Variants in CNKSR2 observed in about 807,000 individuals in gnomAD.
CNKSR2 encodes CNK homolog protein 2.
A neutral mutation model predicts 84.4 loss-of-function variants in CNKSR2; 14 were observed. That is an observed-to-expected ratio of 0.17 (90% CI 0.11 to 0.26). The LOEUF is 0.26. Ranked by LOEUF, CNKSR2 falls within the 10% of genes least tolerant of loss-of-function variation. The pLI is 1.00. For synonymous variants in CNKSR2, 275 were observed against 277.9 expected, an observed-to-expected ratio of 0.99 and a Z score of 0.10; for missense variants, 485 against 771.2, an observed-to-expected ratio of 0.63 and a Z score of 4.40.
intron 1 of CNKSR2, among the ~76,000 whole-genome samples, chrX:21,416,486 A>G (rs2090424539): frequency 9.0e-6 from 1 of 110,831 alleles, no homozygotes; most frequent in Non-Finnish European, 1.9e-5. Flanking sequence ...TCTATTTTTC[A>G]GAATAGTTTG....
At chrX:21,645,813 G>C (rs1006458735) in intron 20 of CNKSR2, 1 of 111,819 alleles carries the variant, frequency 8.9e-6, no homozygotes, top group Admixed American at 9.5e-5. Flanking sequence ...CATATTTTCA[G>C]TTGCAACAGT....
At chrX:21,514,867 C>T (rs993928208) in intron 8 of CNKSR2, among the ~76,000 whole-genome samples, 1 of 110,771 alleles carries the variant, frequency 9.0e-6, no homozygotes, top group Non-Finnish European at 1.9e-5. Context: ...GCAAAATGAA[C>T]CCTTGGATTT....
intron 21 of CNKSR2, among the ~76,000 whole-genome samples, chrX:21,649,474 G>A (rs1355299691): frequency 8.9e-6 from 1 of 112,490 alleles, no homozygotes; most frequent in African/African-American, 3.2e-5. Context: ...CAGTGCATTT[G>A]GGATGAAGCC....
At chrX:21,415,875 T>C (rs1336031767) in intron 1 of CNKSR2, among the ~76,000 whole-genome samples, 6 of 107,232 alleles carry the variant, frequency 5.6e-5, no homozygotes, top group African/African-American at 1.4e-4. Flanking sequence ...CACACACATA[T>C]ATATATATAT....
chrX:21,490,424 A>T (rs778716346), intron 5 of CNKSR2, 35 bp from the exon 6 acceptor site: 9 of 1,174,164 alleles, frequency 7.7e-6, no homozygotes, highest in East Asian at 3.1e-5. Flanking sequence ...TACAACACGT[A>T]TTTACCACAA....
chrX:21,615,771 T>C (rs1370947700), intron 20 of CNKSR2, among the ~76,000 whole-genome samples: 1 of 111,792 alleles, frequency 8.9e-6, no homozygotes, highest in Non-Finnish European at 1.9e-5. Context: ...GCAAACCTCA[T>C]TAAGTAATGT....
intron 1 of CNKSR2, among the ~76,000 whole-genome samples, chrX:21,400,553 T>G (rs7060691): frequency 2.7e-5 from 3 of 110,956 alleles, no homozygotes; most frequent in African/African-American, 6.6e-5. Context: ...TTAATAAAAC[T>G]TGATCTCAGG....
intron 20 of CNKSR2, among the ~76,000 whole-genome samples, chrX:21,623,621 TAAAC>T (rs1238135824): frequency 1.8e-5 from 2 of 111,745 alleles, no homozygotes; most frequent in Non-Finnish European, 1.9e-5. Flanking sequence ...ATTGTAAAAA[TAAAC>T]AAACTTGATT....
chrX:21,629,722 G>T (rs773781001), intron 20 of CNKSR2, among the ~76,000 whole-genome samples: 5 of 112,243 alleles, frequency 4.5e-5, no homozygotes, highest in South Asian at 3.7e-4. Context: ...GCTACAAGAT[G>T]AGATTTGGAT....
At chrX:21,479,542 C>T (rs2091294776) in intron 5 of CNKSR2, among the ~76,000 whole-genome samples, 1 of 111,041 alleles carries the variant, frequency 9.0e-6, no homozygotes, top group Admixed American at 9.6e-5. Context: ...AAACAGAAGC[C>T]ACACAGTAAC....
At chrX:21,561,252 T>G in intron 11 of CNKSR2, among the ~76,000 whole-genome samples, 1 of 110,630 alleles carries the variant, frequency 9.0e-6, no homozygotes, top group East Asian at 2.8e-4. Context: ...GGCTATTCAT[T>G]ATTATTTATA....
chrX:21,647,839 T>C (rs1321342668), intron 20 of CNKSR2, among the ~76,000 whole-genome samples: 2 of 111,587 alleles, frequency 1.8e-5, no homozygotes, highest in Admixed American at 1.9e-4. Context: ...TTTGGGCCAA[T>C]ATAATTATTT....
At position 21,609,394 on chromosome X, in the gene CNKSR2, A is replaced by G. The variant is rs763050567; in HGVS notation, c.2469A>G (p.Pro823=). The change falls in exon 20 of 22, where the codon CCA becomes CCG. Residue 823 remains proline (P), a synonymous_variant. Transcript: ENST00000379510. ...GCCACCTGCAGGATCACTATGGGCC[A>G]TACCCCTTAGCTGAGAGTGAGAGGA... is the stretch of plus-strand genomic sequence containing the variant. ...QKCHLQDHYG[P]YPLAESERMQ... is the part of the protein sequence containing the mutation. 8.3e-7 allele frequency: 1 copy of G among 1,211,734 alleles called. No individual in the cohort carries two copies. The highest frequency in any genetic ancestry group is 1.1e-6 in the Non-Finnish European group (1 of 895,538).
At chrX:21,641,769 G>A in intron 20 of CNKSR2, 1 of 1,023,841 alleles carries the variant, frequency 9.8e-7, no homozygotes, top group Non-Finnish European at 1.2e-6. Context: ...CAAGTGTTTT[G>A]GATTGGGGGC....
intron 5 of CNKSR2, among the ~76,000 whole-genome samples, chrX:21,487,582 C>G (rs1432265877): frequency 9.0e-6 from 1 of 111,728 alleles, no homozygotes; most frequent in Non-Finnish European, 1.9e-5. Flanking sequence ...TATAGAAACC[C>G]TTCAGCATTC....
At chrX:21,563,882 A>G (rs888112988) in intron 13 of CNKSR2, among the ~76,000 whole-genome samples, 5 of 111,080 alleles carry the variant, frequency 4.5e-5, no homozygotes, top group African/African-American at 1.6e-4. Context: ...GTGAGACACC[A>G]TTTTATGGGG....
At chrX:21,589,290 A>G (rs1313897714) in intron 13 of CNKSR2, among the ~76,000 whole-genome samples, 1 of 112,446 alleles carries the variant, frequency 8.9e-6, no homozygotes, top group Non-Finnish European at 1.9e-5. Flanking sequence ...TATATAAATC[A>G]TATACAGAAC....
intron 8 of CNKSR2, among the ~76,000 whole-genome samples, chrX:21,510,138 GT>G (rs1346313955): frequency 9.0e-6 from 1 of 111,366 alleles, no homozygotes; most frequent in Non-Finnish European, 1.9e-5. Context: ...CATACTTCTA[GT>G]CTATAAAATT....
At chrX:21,380,065 G>A (rs2089875433) in intron 1 of CNKSR2, among the ~76,000 whole-genome samples, 1 of 110,993 alleles carries the variant, frequency 9.0e-6, no homozygotes, top group Non-Finnish European at 1.9e-5. Context: ...GGAAAGTGAG[G>A]GAGGAGCATG....
Sources: allele counts gnomAD v4.1 joint callset (sites outside exome capture counted in the v4.1 genomes callset), GRCh38; gene constraint gnomAD v4.1.1; transcripts MANE v1.5; gene names NCBI Gene and HGNC (gene_info 2026-07-23, HGNC 2026-07-21).